The following ERC2 variants were observed in gnomAD, a reference collection of about 807,000 sequenced individuals.
ERC2 encodes ELKS/RAB6-interacting/CAST family member 2, also known as ERC protein 2.
In ERC2, 42 loss-of-function variants were observed where a neutral mutation model predicts 114.8. The observed-to-expected ratio is 0.37, with a 90% CI of 0.29 to 0.47. The LOEUF is 0.47. Ranked by LOEUF, ERC2 falls within the 20% of genes least tolerant of loss-of-function variation. The pLI is 0.99. For synonymous variants in ERC2, 454 were observed against 425.5 expected (o/e 1.07, Z -0.82); for missense variants, 939 against 1,150.7 (o/e 0.82, Z 2.66).
At chr3:56,225,812 T>C (rs148568251) in intron 3 of ERC2, among the ~76,000 whole-genome samples, 71 of 152,258 alleles carry the variant, frequency 4.7e-4, no homozygotes, top group African/African-American at 1.7e-3. Flanking sequence ...TCCTATGTTC[T>C]GAAGAAAAAT....
rs373816573 is a variant in ERC2, at chr3:56,018,886, A to G, written c.1779+8T>C. The G allele has an allele frequency of 3.0e-5, 49 of 1,609,582 alleles. No homozygotes were observed. In the East Asian group the frequency reaches 4.7e-4, roughly 15 times the overall value. On this transcript the variant is annotated splice_region_variant and intron_variant, in intron 8 of 17. Transcript: ENST00000288221. Reference sequence around the variant, plus strand: ...TCCTGATTCCCCAGTTTTTGAGTGCATGCTCACCTTCTCTGACAGAGCTTC... The same window carrying G: ...TCCTGATTCCCCAGTTTTTGAGTGCGTGCTCACCTTCTCTGACAGAGCTTC...
chr3:56,276,937 G>A (rs1203669434), intron 3 of ERC2, among the ~76,000 whole-genome samples: 2 of 152,172 alleles, frequency 1.3e-5, no homozygotes, highest in African/African-American at 2.4e-5. Context: ...GTGGCTTATG[G>A]GTTGGACAAG....
At chr3:56,463,742 T>C (rs2063420620) in intron 1 of ERC2, among the ~76,000 whole-genome samples, 2 of 152,226 alleles carry the variant, frequency 1.3e-5, no homozygotes, top group Admixed American at 6.5e-5. Flanking sequence ...TGTGTGCCCC[T>C]ACATTTTTAT....
intron 7 of ERC2, among the ~76,000 whole-genome samples, chr3:56,078,938 A>T (rs2077101092): frequency 6.6e-6 from 1 of 151,580 alleles, no homozygotes; most frequent in Non-Finnish European, 1.5e-5. Context: ...TTAAAAAAAT[A>T]AAACTGGATG....
chr3:55,749,992 A>T (rs768319388), intron 14 of ERC2, among the ~76,000 whole-genome samples: 3 of 152,208 alleles, frequency 2.0e-5, no homozygotes, highest in Non-Finnish European at 4.4e-5. Flanking sequence ...ATCTTTAAGG[A>T]TGACTGCATA....
chr3:55,997,225 C>CT (rs1426892826), intron 10 of ERC2, among the ~76,000 whole-genome samples: 1 of 152,118 alleles, frequency 6.6e-6, no homozygotes, highest in Non-Finnish European at 1.5e-5. Flanking sequence ...TATTTGATGA[C>CT]TTTTCTTCCC....
chr3:55,998,667 A>G (rs1429953599), intron 10 of ERC2, among the ~76,000 whole-genome samples: 3 of 152,208 alleles, frequency 2.0e-5, no homozygotes, highest in African/African-American at 4.8e-5. Flanking sequence ...ATATCCAAAC[A>G]ATGACTGTGA....
At chr3:56,139,789 A>G (rs2080742431) in intron 5 of ERC2, 113 bp from the exon 6 acceptor site, 1 of 1,187,092 alleles carries the variant, frequency 8.4e-7, no homozygotes, top group East Asian at 2.6e-5. Context: ...TAATCCAACA[A>G]GGCAGGCCAC....
rs188099860 is a variant in ERC2, at chr3:56,099,946, A to C, written c.1474-18962T>G. 1.1e-4 allele frequency among the ~76,000 whole-genome samples: 16 copies of C among 152,254 alleles called. No individual in the cohort carries two copies. In the South Asian group the frequency reaches 3.3e-3, roughly 32 times the overall value. ...GCTACATGGAATCCCAGCCTTCCCA[A>C]AAGTCTTTCCAGAGAACCAGCTCTA... On this transcript the variant is annotated intron_variant, in intron 6 of 17. Coordinates refer to ENST00000288221, the MANE Select transcript of ERC2 (RefSeq NM_015576.3).
chr3:55,923,100 T>C lies in ERC2; in HGVS notation c.2403+27325A>G, dbSNP rs375019426. Among the ~76,000 whole-genome samples, 6 of 152,104 alleles carry C rather than the reference T, an allele frequency of 3.9e-5. No individual in the cohort carries two copies. The East Asian group carries it at 1.2e-3, about 29-fold the overall frequency. On this transcript the variant is annotated intron_variant, in intron 13 of 17. Coordinates refer to ENST00000288221, the MANE Select transcript of ERC2 (RefSeq NM_015576.3). ...TATATCACTGTTCATAGGAGCATGA[T>C]TCACAATAGCCAGGAAGTAGAAACA...
intron 2 of ERC2, among the ~76,000 whole-genome samples, chr3:56,301,689 G>T (rs946857306): frequency 6.7e-6 from 1 of 149,548 alleles, no homozygotes; most frequent in African/African-American, 2.5e-5. Context: ...AACATAGGGA[G>T]ACCCTGTATC....
chr3:55,582,776 CATT>C (rs1354415062), intron 17 of ERC2, among the ~76,000 whole-genome samples: 6 of 152,188 alleles, frequency 3.9e-5, no homozygotes, highest in African/African-American at 1.4e-4. Context: ...CAAATCCTGA[CATT>C]ATTACAAATA....
At chr3:55,973,179 A>T (rs1383131300) in intron 12 of ERC2, among the ~76,000 whole-genome samples, 3 of 152,066 alleles carry the variant, frequency 2.0e-5, no homozygotes, top group Non-Finnish European at 4.4e-5. Flanking sequence ...ACAGATTGTG[A>T]CTCTCTGGAG....
chr3:55,997,108 C>T (rs1002642325), intron 10 of ERC2, among the ~76,000 whole-genome samples: 4 of 152,154 alleles, frequency 2.6e-5, no homozygotes, highest in Non-Finnish European at 4.4e-5. Context: ...TTATATAACA[C>T]GTTCCCTTTG....
intron 17 of ERC2, among the ~76,000 whole-genome samples, chr3:55,530,615 C>T (rs562790997): frequency 6.6e-6 from 1 of 152,324 alleles, no homozygotes; most frequent in South Asian, 2.1e-4. Context: ...CTGCGAGAAC[C>T]TCCTTTTCAG....
rs114589930 is a variant in ERC2, at chr3:55,858,364, G to A, written c.2564+30025C>T. Among the ~76,000 whole-genome samples, 739 of 152,250 alleles carry A rather than the reference G, an allele frequency of 4.9e-3. 5 individuals carry two copies. Among genetic ancestry groups the A allele is most frequent in the African/African-American group, 0.017 (702 of 41,542 alleles). The stretch of plus-strand genomic sequence containing the variant: ...ATTTACAATGCTGGCAGGAGAAATG[G>A]ATATATTAACTCTAAAATAAAAGCT... On this transcript the variant is annotated intron_variant, in intron 14 of 17. Coordinates refer to ENST00000288221, the MANE Select transcript of ERC2 (RefSeq NM_015576.3).
intron 13 of ERC2, among the ~76,000 whole-genome samples, chr3:55,912,991 A>C (rs992200091): frequency 2.0e-5 from 3 of 151,766 alleles, no homozygotes; most frequent in African/African-American, 7.3e-5. Context: ...TTTTTATTGC[A>C]TTTATTTATT....
At chr3:56,188,378 A>G (rs2083764000) in intron 3 of ERC2, among the ~76,000 whole-genome samples, 1 of 152,132 alleles carries the variant, frequency 6.6e-6, no homozygotes, top group Non-Finnish European at 1.5e-5. Context: ...CTCCAGCCAG[A>G]GGGCCCATTT....
chr3:55,543,314 AGG>A (rs2054524493), intron 17 of ERC2, among the ~76,000 whole-genome samples: 1 of 152,224 alleles, frequency 6.6e-6, no homozygotes, highest in Non-Finnish European at 1.5e-5. Context: ...AGTAACATCG[AGG>A]GCCAGAGCTT....
Sources: allele counts gnomAD v4.1 joint callset (sites outside exome capture counted in the v4.1 genomes callset), GRCh38; gene constraint gnomAD v4.1.1; transcripts MANE v1.5; gene names NCBI Gene and HGNC (gene_info 2026-07-23, HGNC 2026-07-21).